Variants in LINGO1 observed in about 807,000 individuals in gnomAD.
The protein encoded by LINGO1 is leucine rich repeat and Ig domain containing 1, also known as leucine-rich repeat and immunoglobulin-like domain-containing nogo receptor-interacting protein 1.
In LINGO1, 11 loss-of-function variants were observed where a neutral mutation model predicts 37.3. That is an observed-to-expected ratio of 0.29 (90% CI 0.19 to 0.49). The LOEUF (loss-of-function observed/expected upper bound fraction) is 0.49, where lower values mean the gene tolerates loss of function less well. Ranked by LOEUF, LINGO1 falls within the 20% of genes least tolerant of loss-of-function variation. The probability of loss-of-function intolerance (pLI) is 0.99; values close to 1 mark genes in which losing one functional copy is unlikely to be tolerated. For missense variants in LINGO1, 585 were observed against 878.2 expected, an observed-to-expected ratio of 0.67 and a Z score of 4.22; for synonymous variants, 387 against 403.0, an observed-to-expected ratio of 0.96 and a Z score of 0.48.
At chr15:77,774,289 A>T (rs1596214509) in intron 1 of LINGO1, among the ~76,000 whole-genome samples, 1 of 151,890 alleles carries the variant, frequency 6.6e-6, no homozygotes, top group Non-Finnish European at 1.5e-5. Flanking sequence ...ACTGCCAGAT[A>T]CCCACTTGGT....
chr15:77,762,912 C>T (rs2076491564), intron 1 of LINGO1, among the ~76,000 whole-genome samples: 1 of 152,192 alleles, frequency 6.6e-6, no homozygotes, highest in Non-Finnish European at 1.5e-5. Context: ...GGGACTGAGG[C>T]TGATTGCCCT....
At chr15:77,644,945 C>T (rs954463856) in intron 3 of LINGO1, among the ~76,000 whole-genome samples, 2 of 152,064 alleles carry the variant, frequency 1.3e-5, no homozygotes, top group South Asian at 2.1e-4. Context: ...AGGCCCCAGA[C>T]GATAGGAGGG....
chr15:77,623,756 C>T (rs2073996542), intron 1 of LINGO1, among the ~76,000 whole-genome samples: 1 of 150,196 alleles, frequency 6.7e-6, no homozygotes, highest in Non-Finnish European at 1.5e-5. Context: ...GAGGTCATGT[C>T]CTTTGTTGTG....
chr15:77,615,025 G>A lies in LINGO1; in HGVS notation c.882C>T (p.Leu294=). 6.2e-7 allele frequency: 1 copy of A among 1,614,066 alleles called. No homozygotes were observed. Among genetic ancestry groups the A allele is most frequent in the Non-Finnish European group, 8.5e-7 (1 of 1,179,910 alleles). The change falls in exon 2 of 2, where the codon CTC becomes CTT. Residue 294 remains leucine, a synonymous_variant. Transcript: ENST00000355300. ...RHLVYLRFLN[L]SYNPISTIEG... Reference sequence around the variant, plus strand: ...CAATGGTGCTGATGGGGTTGTAGGAGAGGTTGAGGAAGCGGAGATAGACTA... The same window carrying A: ...CAATGGTGCTGATGGGGTTGTAGGAAAGGTTGAGGAAGCGGAGATAGACTA...
chr15:77,662,461 C>T (rs1442280909), intron 3 of LINGO1, among the ~76,000 whole-genome samples: 1 of 152,148 alleles, frequency 6.6e-6, no homozygotes, highest in Non-Finnish European at 1.5e-5. Context: ...CAACTGAGAA[C>T]ATGACCCCAC....
At chr15:77,694,407 C>T (rs924645387) in intron 1 of LINGO1, among the ~76,000 whole-genome samples, 4 of 152,064 alleles carry the variant, frequency 2.6e-5, no homozygotes, top group Non-Finnish European at 2.9e-5. Flanking sequence ...TCAGATTCTC[C>T]GTGGCCTCAC....
chr15:77,638,110 G>A (rs751501354), upstream of LINGO1, among the ~76,000 whole-genome samples: 3 of 152,260 alleles, frequency 2.0e-5, no homozygotes, highest in Non-Finnish European at 2.9e-5. Flanking sequence ...AAAGGCTCTT[G>A]GAGAACTCAA....
chr15:77,744,914 G>A (rs1346282673), intron 1 of LINGO1, among the ~76,000 whole-genome samples: 1 of 149,622 alleles, frequency 6.7e-6, no homozygotes, highest in Non-Finnish European at 1.5e-5. Flanking sequence ...CCAGGAATTT[G>A]AGACCGGCCT....
At chr15:77,693,209 T>G (rs549964853) in intron 1 of LINGO1, among the ~76,000 whole-genome samples, 38 of 152,352 alleles carry the variant, frequency 2.5e-4, no homozygotes, top group African/African-American at 8.9e-4. Context: ...ATTCGGCACT[T>G]ACTATATACT....
At chr15:77,709,032 G>A (rs2075886791) in intron 2 of LINGO1, among the ~76,000 whole-genome samples, 1 of 152,202 alleles carries the variant, frequency 6.6e-6, no homozygotes, top group Non-Finnish European at 1.5e-5. Context: ...GCAACACCAG[G>A]AGCCAGAAGA....
In LINGO1 at chr15:77,615,013, G is replaced by A. The variant is rs1229516079; in HGVS notation, c.894C>T (p.Pro298=). The part of the protein sequence containing the change: ...YLRFLNLSYN[P]ISTIEGSMLH... The stretch of plus-strand genomic sequence containing the variant: ...ACATGGAGCCCTCAATGGTGCTGAT[G>A]GGGTTGTAGGAGAGGTTGAGGAAGC... Residue 298 remains proline, a synonymous_variant, in exon 2 of 2, where the codon CCC becomes CCT. Coordinates refer to ENST00000355300, the MANE Select transcript of LINGO1 (RefSeq NM_032808.7). 2 of 1,613,926 alleles carry A rather than the reference G, an allele frequency of 1.2e-6. No individual in the cohort carries two copies. The highest frequency in any genetic ancestry group is 2.2e-5 in the East Asian group (1 of 44,898).
At chr15:77,756,993 G>A (rs2076426773) in intron 1 of LINGO1, among the ~76,000 whole-genome samples, 2 of 152,142 alleles carry the variant, frequency 1.3e-5, no homozygotes, top group Admixed American at 1.3e-4. Flanking sequence ...CATACCTTCA[G>A]CCCCTACAGT....
In LINGO1 at chr15:77,731,537, T is replaced by C. The variant is rs181547760; in HGVS notation, c.-195+3455A>G. On this transcript the variant is annotated intron_variant, in intron 2 of 3. Transcript: ENST00000561686. ...TCCATATGTGGGCCTCCATTTTTCATAGGGAAACAGGGATCATGGCTTCCC... is the reference window on the plus strand; with the variant it reads ...TCCATATGTGGGCCTCCATTTTTCACAGGGAAACAGGGATCATGGCTTCCC... Among the ~76,000 whole-genome samples the C allele has an allele frequency of 2.7e-4, 41 of 152,250 alleles. 2 individuals carry two copies. The East Asian group carries it at 5.4e-3, about 20-fold the overall frequency.
At chr15:77,618,528 C>CTTTTTTT (rs1567455234) in intron 1 of LINGO1, among the ~76,000 whole-genome samples, 1 of 58,560 alleles carries the variant, frequency 1.7e-5, no homozygotes, top group African/African-American at 6.7e-5. Context: ...CACTGTTATT[C>CTTTTTTT]TTTTTTTTTT....
At position 77,724,114 on chromosome 15, in the gene LINGO1, C is replaced by CA. The variant is rs2076078781; in HGVS notation, c.-195+10877_-195+10878insT. 2.6e-5 allele frequency among the ~76,000 whole-genome samples: 4 copies of CA among 152,278 alleles called. No individual in the cohort carries two copies. The South Asian group carries it at 8.3e-4, about 32-fold the overall frequency. On this transcript the variant is annotated intron_variant, in intron 2 of 3. Coordinates refer to the LINGO1 transcript ENST00000561686. ...CCACTCCTTGCACCCGGAGCAGGAG[C>CA]GGGGAGTGGGGAGGGGGGCCCCTTC...
chr15:77,642,579 G>C (rs1303074313), intron 3 of LINGO1, among the ~76,000 whole-genome samples: 2 of 152,304 alleles, frequency 1.3e-5, no homozygotes, highest in East Asian at 1.9e-4. Context: ...CCACACGAAG[G>C]CCAGGAGGGC....
chr15:77,818,933 C>G (rs1306467832), intron 1 of LINGO1, among the ~76,000 whole-genome samples: 1 of 151,764 alleles, frequency 6.6e-6, no homozygotes, highest in Non-Finnish European at 1.5e-5. Flanking sequence ...GAAAGGAAGG[C>G]CGGAGTTGCA....
chr15:77,728,048 C>A (rs1240237297), intron 2 of LINGO1, among the ~76,000 whole-genome samples: 2 of 152,174 alleles, frequency 1.3e-5, no homozygotes, highest in East Asian at 1.9e-4. Context: ...GAGGAGGAGT[C>A]CCCTCTTACC....
intron 1 of LINGO1, among the ~76,000 whole-genome samples, chr15:77,802,069 G>A (rs1031990246): frequency 3.3e-5 from 5 of 152,150 alleles, no homozygotes; most frequent in African/African-American, 1.2e-4. Flanking sequence ...GAGAGAGAGC[G>A]AGGAAAAGAG....
Sources: gnomAD v4.1 joint callset for allele counts (sites outside exome capture counted in the v4.1 genomes callset) on GRCh38, gnomAD v4.1.1 for gene constraint, MANE v1.5 for transcripts, NCBI Gene and HGNC (gene_info 2026-07-23, HGNC 2026-07-21) for gene names.